PLXDC1: variants seen among roughly 807,000 people sequenced by gnomAD.
PLXDC1 encodes plexin domain containing 1.
Under a neutral mutation model 61.3 loss-of-function variants are expected in PLXDC1, and 39 were observed. That is an observed-to-expected ratio of 0.64 (90% CI 0.49 to 0.83). The LOEUF (loss-of-function observed/expected upper bound fraction) is 0.83. Ranked by LOEUF, PLXDC1 falls within the 40% of genes least tolerant of loss-of-function variation. PLXDC1 has a pLI of 0.00. For synonymous variants in PLXDC1, 212 were observed against 254.5 expected (o/e 0.83, Z 1.59); for missense variants, 596 against 666.5 (o/e 0.89, Z 1.17).
rs1488146968 is a variant in PLXDC1, at chr17:39,139,746, C to T, written c.163G>A (p.Val55Met). 6.2e-7 allele frequency: 1 copy of T among 1,614,106 alleles called. No individual in the cohort carries two copies. Among genetic ancestry groups the T allele is most frequent in the Non-Finnish European group, 8.5e-7 (1 of 1,180,032 alleles). Reference protein sequence around the residue: ...NRRARESPGHVSEPDRTQLSQ... With the variant: ...NRRARESPGHMSEPDRTQLSQ... The stretch of plus-strand genomic sequence containing the variant: ...AGCTGGGTCCTGTCCGGCTCTGACA[C>T]ATGCCCAGGGCTCTCTCGGGCTCTC... The change falls in exon 2 of 14, where the codon GTG (valine) becomes ATG (methionine). Residue 55 changes from valine (V) to methionine (M), a missense_variant. Transcript: ENST00000315392.
At chr17:39,097,133 G>A (rs1910239007) in intron 7 of PLXDC1, among the ~76,000 whole-genome samples, 1 of 152,094 alleles carries the variant, frequency 6.6e-6, no homozygotes, top group African/African-American at 2.4e-5. Flanking sequence ...TAGAACCTGG[G>A]GGAGGAGAGT....
rs1398662343 is a variant in PLXDC1, at chr17:39,065,220, GA to G, written c.*2619del. 1 of 152,130 alleles carries G rather than the reference GA, an allele frequency of 6.6e-6. No individual in the cohort carries two copies. Among genetic ancestry groups the G allele is most frequent in the Non-Finnish European group, 1.5e-5 (1 of 68,038 alleles). 9.4% of individuals were successfully genotyped at this position (152,130 alleles called of 1,614,324 possible). A position where few individuals can be genotyped will look rare whatever the true frequency, so the allele number is the denominator to read the frequency against. ...TGGGGAGTGGATGTATTTGGCGGCA[GA>G]TGGCCTGTTTGTTTATGACAAAAAG... On this transcript the variant is annotated 3_prime_UTR_variant, in exon 14 of 14. Coordinates refer to ENST00000315392, the MANE Select transcript of PLXDC1 (RefSeq NM_020405.5).
chr17:39,092,302 G>A (rs1044719222), intron 7 of PLXDC1, among the ~76,000 whole-genome samples: 11 of 151,996 alleles, frequency 7.2e-5, no homozygotes, highest in East Asian at 1.9e-4. Flanking sequence ...TCCAACTCCC[G>A]GGCTCAAGCA....
rs192425600 is a variant in PLXDC1 at position 39,110,212 on chromosome 17, A to G, written c.256-821T>C. Among the ~76,000 whole-genome samples, 50 of 152,224 alleles carry G rather than the reference A, an allele frequency of 3.3e-4. 1 individual carries two copies. The East Asian group carries it at 9.7e-3, about 30-fold the overall frequency. On this transcript the variant is annotated intron_variant, in intron 2 of 13. Transcript: ENST00000315392. ...GGTCCTGGGGAGTTTCCAGTCTGGA[A>G]TGGGACTTATATAAACAGAGGAGCA...
chr17:39,079,184 A>T lies in PLXDC1; in HGVS notation c.990-20T>A. 1.2e-6 allele frequency: 2 copies of T among 1,608,294 alleles called. No individual in the cohort carries two copies. Among genetic ancestry groups the T allele is most frequent in the East Asian group, 4.5e-5 (2 of 44,834 alleles). On this transcript the variant is annotated intron_variant, in intron 9 of 13. Transcript: ENST00000315392. Reference sequence around the variant, plus strand: ...GAGCATCTGCAGGAGGACCAAAAGGACAGAGTTATGATGGGATTGACAAAG... The same window carrying T: ...GAGCATCTGCAGGAGGACCAAAAGGTCAGAGTTATGATGGGATTGACAAAG...
chr17:39,069,554 A>G (rs1397580950), intron 13 of PLXDC1, among the ~76,000 whole-genome samples: 7 of 152,186 alleles, frequency 4.6e-5, no homozygotes, highest in African/African-American at 1.4e-4. Flanking sequence ...GATGAGCACT[A>G]TGTGGCACTG....
chr17:39,108,514 A>C (rs1910676839), intron 4 of PLXDC1, among the ~76,000 whole-genome samples: 1 of 152,154 alleles, frequency 6.6e-6, no homozygotes, highest in Non-Finnish European at 1.5e-5. Flanking sequence ...AGCTTTCCCC[A>C]TCCCTGGGGA....
intron 11 of PLXDC1, among the ~76,000 whole-genome samples, chr17:39,074,940 C>A (rs955070793): frequency 6.6e-6 from 1 of 152,074 alleles, no homozygotes; most frequent in Non-Finnish European, 1.5e-5. Flanking sequence ...GCTTCTTTTT[C>A]TTTTCCTTTT....
chr17:39,142,936 G>A (rs1213970361), intron 1 of PLXDC1, among the ~76,000 whole-genome samples: 1 of 152,040 alleles, frequency 6.6e-6, no homozygotes, highest in Non-Finnish European at 1.5e-5. Context: ...TCAGGAATTC[G>A]AGACCAGCCT....
In PLXDC1 at chr17:39,140,002, G is replaced by T. The variant is rs532474236; in HGVS notation, c.77-170C>A. 2.0e-5 allele frequency among the ~76,000 whole-genome samples: 3 copies of T among 152,336 alleles called. No individual in the cohort carries two copies. The South Asian group carries it at 6.2e-4, about 32-fold the overall frequency. ...ACCCAATGTGTACTGAGAGTCACGT[G>T]CCCAGCTCCAGGCCAAGCACTTCGC... On this transcript the variant is annotated intron_variant, in intron 1 of 13. Coordinates refer to ENST00000315392, the MANE Select transcript of PLXDC1 (RefSeq NM_020405.5).
At chr17:39,109,484 C>G in intron 2 of PLXDC1, 93 bp from the exon 3 acceptor site, 2 of 1,440,594 alleles carry the variant, frequency 1.4e-6, no homozygotes, top group Non-Finnish European at 1.9e-6. Context: ...TTTCTGGGTA[C>G]AGGAAGTCAC....
chr17:39,116,332 T>C (rs1910963988), intron 2 of PLXDC1, among the ~76,000 whole-genome samples: 1 of 152,040 alleles, frequency 6.6e-6, no homozygotes, highest in Admixed American at 6.6e-5. Flanking sequence ...GGCACATTCA[T>C]CTCCGCCCCC....
intron 2 of PLXDC1, among the ~76,000 whole-genome samples, chr17:39,128,047 CT>C (rs1911366143): frequency 3.0e-5 from 1 of 32,822 alleles, no homozygotes; most frequent in Non-Finnish European, 5.7e-5. Flanking sequence ...TAGGACAGCT[CT>C]CTCTCTCTCT....
chr17:39,109,540 G>T, intron 2 of PLXDC1, 149 bp from the exon 3 acceptor site: 1 of 939,272 alleles, frequency 1.1e-6, no homozygotes, highest in Non-Finnish European at 1.6e-6. Flanking sequence ...GCTGATTTAG[G>T]CCTAGGACCC....
chr17:39,129,778 A>AG (rs1911500327), intron 2 of PLXDC1, among the ~76,000 whole-genome samples: 1 of 141,628 alleles, frequency 7.1e-6, no homozygotes, highest in Non-Finnish European at 1.5e-5. Context: ...AGAGAAAGAA[A>AG]AAGAAAGAAA....
intron 2 of PLXDC1, among the ~76,000 whole-genome samples, chr17:39,117,182 C>T (rs1910998964): frequency 6.6e-6 from 1 of 152,136 alleles, no homozygotes; most frequent in Non-Finnish European, 1.5e-5. Context: ...GGCAACTAGC[C>T]CTGGCTCATG....
intron 2 of PLXDC1, among the ~76,000 whole-genome samples, chr17:39,134,945 G>A (rs1357400424): frequency 5.3e-5 from 8 of 152,200 alleles, no homozygotes; most frequent in Non-Finnish European, 8.8e-5. Context: ...AGCCTTGGCA[G>A]CCACTTTATG....
At chr17:39,152,627 G>C, upstream of PLXDC1, 3 of 1,246,510 alleles carry the variant, frequency 2.4e-6, no homozygotes, top group Non-Finnish European at 3.0e-6. Context: ...TAGTGGGCTG[G>C]GGCCTAGGGA....
intron 7 of PLXDC1, among the ~76,000 whole-genome samples, chr17:39,093,586 C>T (rs1387389865): frequency 1.2e-4 from 19 of 152,074 alleles, no homozygotes; most frequent in Admixed American, 2.0e-4. Context: ...CATGGTGGCA[C>T]GCGCCTGTAA....
Sources: gnomAD v4.1 joint callset for allele counts (sites outside exome capture counted in the v4.1 genomes callset) on GRCh38, gnomAD v4.1.1 for gene constraint, MANE v1.5 for transcripts, NCBI Gene and HGNC (gene_info 2026-07-23, HGNC 2026-07-21) for gene names.